The following TTN variants were observed in gnomAD, a reference collection of about 807,000 sequenced individuals.
The protein encoded by TTN is titin.
In TTN, 1,525 loss-of-function variants were observed where a neutral mutation model predicts 3,223.0. The ratio of observed to expected loss-of-function variants is 0.47; its 90% confidence interval spans 0.45 to 0.49. The LOEUF (loss-of-function observed/expected upper bound fraction) is 0.49. Among genes scored for constraint, TTN ranks in the 20% least tolerant of loss-of-function variants. The pLI, the probability that TTN is intolerant of heterozygous loss-of-function variation, is 0.00. For missense variants in TTN, 40,786 were observed against 43,424.0 expected (o/e 0.94, Z 5.40); for synonymous variants, 14,094 against 15,161.0 (o/e 0.93, Z 5.17).
In TTN at chr2:178,579,558, T is replaced by C. The variant is rs1313587216; in HGVS notation, c.67636+3A>G. ...AAATGAAGATGTGTGCATAGAGCCT[T>C]ACCAACATCATCCCTTGCCACAACA... is the stretch of plus-strand genomic sequence containing the variant. On this transcript the variant is annotated splice_donor_region_variant and intron_variant, in intron 319 of 362. Transcript: ENST00000589042. 6.2e-7 allele frequency: 1 copy of C among 1,612,980 alleles called. No homozygotes were observed. The highest frequency in any genetic ancestry group is 1.7e-5 in the Admixed American group (1 of 59,976).
At position 178,725,865 on chromosome 2, in the gene TTN, G is replaced by A; in HGVS notation, c.20457C>T (p.His6819=). ...TGTCTGAAGTGTCCACATTGAGAAT[G>A]TGAATACTTGTGTGGAAGTTTTTGG... ...IASKNFHTSI[H]ILNVDTSDIG... is the part of the protein sequence containing the mutation. The change falls in exon 70 of 363, where the codon CAC becomes CAT. Residue 6819 remains histidine (H), a synonymous_variant. Coordinates refer to ENST00000589042, the MANE Select transcript of TTN (RefSeq NM_001267550.2). 2 of 1,613,286 alleles carry A rather than the reference G, an allele frequency of 1.2e-6. No individual in the cohort carries two copies. Among genetic ancestry groups the A allele is most frequent in the Non-Finnish European group, 8.5e-7 (1 of 1,179,490 alleles).
chr2:178,720,830 CT>C (rs2078245951), intron 79 of TTN, 90 bp downstream of exon 79: 1 of 1,445,424 alleles, frequency 6.9e-7, no homozygotes, highest in South Asian at 1.5e-5. Context: ...ACCAAATAAC[CT>C]TAATTATCCT....
In TTN at chr2:178,581,485, CT is replaced by C; in HGVS notation, c.66769+13del. 1.3e-6 allele frequency: 2 copies of C among 1,571,136 alleles called. No homozygotes were observed. The highest frequency in any genetic ancestry group is 1.7e-6 in the Non-Finnish European group (2 of 1,155,104). On this transcript the variant is annotated intron_variant, in intron 316 of 362. Transcript: ENST00000589042. ...ATAGGAAAAGCCTTATGTACTCCCCCTGGTAATACTTACTTAAGATGTCCTT... is the reference window on the plus strand; with the variant it reads ...ATAGGAAAAGCCTTATGTACTCCCCCGGTAATACTTACTTAAGATGTCCTT...
chr2:178,635,798 G>A (rs930022190), intron 226 of TTN, 83 bp from the exon 227 acceptor site: 8 of 1,523,770 alleles, frequency 5.3e-6, no homozygotes. Flanking sequence ...TCAGGAATAG[G>A]AAAAATTTCA....
At chr2:178,805,604 C>T (rs907177337) in intron 1 of TTN, among the ~76,000 whole-genome samples, 2 of 152,104 alleles carry the variant, frequency 1.3e-5, no homozygotes, top group African/African-American at 2.4e-5. Context: ...GCATACGGTG[C>T]TTTCTATTTC....
chr2:178,689,821 G>T lies in TTN; in HGVS notation c.31838C>A (p.Pro10613Gln), dbSNP rs186731979. The change falls in exon 122 of 363, where the codon CCA becomes CAA. Residue 10613 changes from proline (P) to glutamine (Q), a missense_variant. Coordinates refer to ENST00000589042, the MANE Select transcript of TTN (RefSeq NM_001267550.2). ...GTCGAAAGCCACTGTACCTTTAGCT[G>T]GGGGAGCTTCCTTTTTCTTTGCAAC... ...VPVAKKKEAP[P>Q]AKVPEVQKGV... The T allele has an allele frequency of 9.9e-6, 16 of 1,609,912 alleles. No individual in the cohort carries two copies. In the Admixed American group the frequency reaches 2.5e-4, roughly 25 times the overall value.
At position 178,631,154 on chromosome 2, in the gene TTN, C is replaced by T. The variant is rs1456607091; in HGVS notation, c.43894G>A (p.Val14632Ile). ...GKEIKPSKNA[V>I]IKADGKKRML... ...CGTTTCTTGCCATCTGCCTTAATAA[C>T]AGCATTTTTGGATGGCTTTATTTCC... Residue 14632 changes from valine to isoleucine, a missense_variant, in exon 237 of 363, where the codon GTT (valine) becomes ATT (isoleucine). By Grantham distance (29) the Val-to-Ile change is conservative. Coordinates refer to ENST00000589042, the MANE Select transcript of TTN (RefSeq NM_001267550.2). The T allele has an allele frequency of 6.2e-7, 1 of 1,613,230 alleles. No homozygotes were observed. Among genetic ancestry groups the T allele is most frequent in the Admixed American group, 1.7e-5 (1 of 59,950 alleles).
rs1249817068 is a variant in TTN at position 178,588,520 on chromosome 2, A to G, written c.63187+18T>C. 1.3e-6 allele frequency: 2 copies of G among 1,509,806 alleles called. No homozygotes were observed. Among genetic ancestry groups the G allele is most frequent in the African/African-American group, 1.4e-5 (1 of 71,490 alleles). 93.5% of individuals were successfully genotyped at this position (1,509,806 alleles called of 1,614,324 possible). A position where few individuals can be genotyped will look rare whatever the true frequency, so the allele number is the denominator to read the frequency against. ...ATTAAGAGTTGCTGTAATATCAGAA[A>G]AAACAAGGACATCCTACCTATGGGG... On this transcript the variant is annotated intron_variant, in intron 304 of 362. Coordinates refer to ENST00000589042, the MANE Select transcript of TTN (RefSeq NM_001267550.2).
In TTN at chr2:178,738,376, G is replaced by A. The variant is rs1057523430; in HGVS notation, c.14093-16C>T. ...ACTGGGGCAGCTGCAAAGGGAAGTA[G>A]AGTCCATTAACATGCCTCCTTATCA... On this transcript the variant is annotated splice_polypyrimidine_tract_variant and intron_variant, in intron 48 of 362. Coordinates refer to ENST00000589042, the MANE Select transcript of TTN (RefSeq NM_001267550.2). 1 of 1,602,926 alleles carries A rather than the reference G, an allele frequency of 6.2e-7. No homozygotes were observed.
At chr2:178,580,743 A>T (rs930673611) in intron 316 of TTN, 134 bp from the exon 317 acceptor site, 21 of 830,698 alleles carry the variant, frequency 2.5e-5, no homozygotes, top group Non-Finnish European at 3.9e-5. Flanking sequence ...TCCTTAATAC[A>T]ATCCTCAAAA....
chr2:178,536,180 GA>G lies in TTN; in HGVS notation c.100566del (p.Pro33523GlnfsTer19). ...NATLVCKVTG[H>X]PKPIVKWYRQ... ...CTGTACCATTTGACGATAGGTTTTG[GA>G]TGACCAGTCACTTTGCAGACCAAGG... On this transcript the variant is annotated frameshift_variant, in exon 357 of 363. Coordinates refer to ENST00000589042, the MANE Select transcript of TTN (RefSeq NM_001267550.2). LOFTEE classifies it high-confidence loss of function. 1 of 1,613,496 alleles carries G rather than the reference GA, an allele frequency of 6.2e-7. No homozygotes were observed.
intron 47 of TTN, chr2:178,744,708 G>T: frequency 1.0e-6 from 1 of 978,806 alleles, no homozygotes; most frequent in Non-Finnish European, 1.2e-6. Context: ...AAATTTTAAA[G>T]ATTCTGAAAT....
intron 157 of TTN, among the ~76,000 whole-genome samples, chr2:178,669,893 A>G (rs1029980866): frequency 6.6e-6 from 1 of 151,728 alleles, no homozygotes; most frequent in Non-Finnish European, 1.5e-5. Flanking sequence ...AGATAGTATC[A>G]TTTTCTATTG....
rs780149886 is a variant in TTN, at chr2:178,729,031, T to C, written c.19007A>G (p.Asp6336Gly). 9 of 1,612,814 alleles carry C rather than the reference T, an allele frequency of 5.6e-6. No homozygotes were observed. The highest frequency in any genetic ancestry group is 7.6e-6 in the Non-Finnish European group (9 of 1,179,466). ...LKDDQILDED[D>G]NVYISFVDSV... Reference sequence around the variant, plus strand: ...GTCCACAAATGAAATATAGACATTATCATCTTCATCAAGAATCTGATCATC... The same window carrying C: ...GTCCACAAATGAAATATAGACATTACCATCTTCATCAAGAATCTGATCATC... The change falls in exon 65 of 363, where the codon GAT becomes GGT. Residue 6336 changes from aspartate (D) to glycine (G), a missense_variant. Coordinates refer to ENST00000589042, the MANE Select transcript of TTN (RefSeq NM_001267550.2).
chr2:178,651,242 C>T lies in TTN; in HGVS notation c.39625+1G>A. Reference sequence around the variant, plus strand: ...TGCAGAATCTCATTAGTGACATGTACCTTTTGCTGGTGGGACTTCTGGCTT... The same window carrying T: ...TGCAGAATCTCATTAGTGACATGTATCTTTTGCTGGTGGGACTTCTGGCTT... On this transcript the variant is annotated splice_donor_variant, in intron 208 of 362. Coordinates refer to ENST00000589042, the MANE Select transcript of TTN (RefSeq NM_001267550.2). LOFTEE classifies it high-confidence loss of function. 1.2e-6 allele frequency: 2 copies of T among 1,612,464 alleles called. No homozygotes were observed. Among genetic ancestry groups the T allele is most frequent in the East Asian group, 2.2e-5 (1 of 44,828 alleles).
At position 178,591,470 on chromosome 2, in the gene TTN, A is replaced by G. The variant is rs1454140506; in HGVS notation, c.60255T>C (p.Ile20085=). The stretch of plus-strand genomic sequence containing the variant: ...TTCCAGCCTTTACCACAAGACCTTC[A>G]ATTAATTTCACATCTAGCTCCACGG... ...PPSVELDVKL[I]EGLVVKAGTT... is the part of the protein sequence containing the mutation. The change falls in exon 304 of 363, where the codon ATT becomes ATC. Residue 20085 remains isoleucine, a synonymous_variant. Transcript: ENST00000589042. 6.3e-7 allele frequency: 1 copy of G among 1,586,906 alleles called. No individual in the cohort carries two copies.
rs1697301679 is a variant in TTN, at chr2:178,546,649, A to T, written c.94779T>A (p.Ile31593=). ...RVLAKNAAGV[I]SKGSESTGPV... ...GGCCTGTAGATTCAGACCCTTTGCT[A>T]ATTACGCCTGCTGCATTCTTGGCTA... Residue 31593 remains isoleucine (I), a synonymous_variant, in exon 341 of 363, where the codon ATT becomes ATA. Transcript: ENST00000589042. 4 of 1,613,560 alleles carry T rather than the reference A, an allele frequency of 2.5e-6. No individual in the cohort carries two copies. The highest frequency in any genetic ancestry group is 3.4e-6 in the Non-Finnish European group (4 of 1,179,698).
rs1270325139 is a variant in TTN at position 178,547,170 on chromosome 2, G to T, written c.94355C>A (p.Thr31452Lys). 6.2e-7 allele frequency: 1 copy of T among 1,613,804 alleles called. No homozygotes were observed. The stretch of plus-strand genomic sequence containing the variant: ...TTTGTTTTCTTTCACCCAAAGAATT[G>T]TATTACGTTCTTTCTTCTCAACCCA... The part of the protein sequence containing the change: ...GYWVEKKERN[T>K]ILWVKENKVP... Residue 31452 changes from threonine (T) to lysine (K), a missense_variant, in exon 340 of 363, where the codon ACA becomes AAA. Physicochemically the swap from Thr to Lys is moderately conservative, Grantham distance 78. Transcript: ENST00000589042.
At chr2:178,729,992 G>T (rs1243700712) in intron 62 of TTN, 47 bp from the exon 63 acceptor site, 4 of 1,598,100 alleles carry the variant, frequency 2.5e-6, no homozygotes, top group Admixed American at 3.5e-5. Flanking sequence ...TTAAAAACAG[G>T]TCACTGGGCA....
Sources: gnomAD v4.1 joint callset for allele counts (sites outside exome capture counted in the v4.1 genomes callset) on GRCh38, gnomAD v4.1.1 for gene constraint, MANE v1.5 for transcripts, NCBI Gene and HGNC (gene_info 2026-07-23, HGNC 2026-07-21) for gene names.